IWS1: variants seen among roughly 807,000 people sequenced by gnomAD.
IWS1 encodes the protein protein IWS1 homolog.
A neutral mutation model predicts 86.7 loss-of-function variants in IWS1; 27 were observed. The ratio of observed to expected loss-of-function variants is 0.31; its 90% CI spans 0.23 to 0.43. The LOEUF is 0.43. Ranked by LOEUF, IWS1 falls within the 20% of genes least tolerant of loss-of-function variation. IWS1 has a pLI of 1.00. For missense variants in IWS1, 827 were observed against 1,000.8 expected (o/e 0.83, Z 2.34); for synonymous variants, 313 against 335.1 (o/e 0.93, Z 0.72).
upstream of IWS1, chr2:127,526,660 A>G: frequency 7.6e-7 from 1 of 1,320,902 alleles, no homozygotes; most frequent in Non-Finnish European, 1.0e-6. Context: ...TCCTGGTCTG[A>G]CCCCCGTGGT....
chr2:127,513,049 T>G (rs540098938), intron 2 of IWS1, among the ~76,000 whole-genome samples: 9 of 152,330 alleles, frequency 5.9e-5, no homozygotes, highest in Non-Finnish European at 1.3e-4. Flanking sequence ...AAGACCAGCC[T>G]GGCCAATAGG....
chr2:127,482,821 C>T (rs1689702840), intron 13 of IWS1: 2 of 152,162 alleles, frequency 1.3e-5, no homozygotes, highest in South Asian at 4.1e-4. Context: ...TCTCCTGATT[C>T]ATCAAGGGAA....
Position 127,489,137 on chromosome 2 carries a change from C to G in IWS1, c.2216+42G>C. 2.8e-6 allele frequency: 4 copies of G among 1,410,086 alleles called. No homozygotes were observed. Among genetic ancestry groups the G allele is most frequent in the Non-Finnish European group, 4.0e-6 (4 of 1,009,936 alleles). The allele number at this position is 1,410,086 out of a possible 1,614,324, so 87.3% of individuals were successfully genotyped here. ...TTTCTTAAAGCAGCAAACGGAAATT[C>G]TCTATATAGTCTAGGAAGAAAAATT... On this transcript the variant is annotated intron_variant, in intron 12 of 13. Transcript: ENST00000295321. The surrounding 1 kb of genome is among the most constrained non-coding windows in gnomAD (Gnocchi z 4.8).
intron 2 of IWS1, among the ~76,000 whole-genome samples, chr2:127,513,481 C>A (rs1691583784): frequency 6.6e-6 from 1 of 151,690 alleles, no homozygotes; most frequent in Admixed American, 6.6e-5. Context: ...TGTATGCTTC[C>A]AACTAATCTA....
chr2:127,524,601 T>G (rs1692286608), intron 1 of IWS1, among the ~76,000 whole-genome samples: 1 of 151,706 alleles, frequency 6.6e-6, no homozygotes, highest in Non-Finnish European at 1.5e-5. Flanking sequence ...TGCAATGGTG[T>G]GATCTCAGCT....
At chr2:127,518,170 C>T (rs985610953) in intron 2 of IWS1, among the ~76,000 whole-genome samples, 1 of 152,168 alleles carries the variant, frequency 6.6e-6, no homozygotes, top group Non-Finnish European at 1.5e-5. Flanking sequence ...CTGTGAAATA[C>T]TAAAGATCAC....
rs1215493550 is a variant in IWS1 at position 127,493,310 on chromosome 2, G to T, written c.1900C>A (p.Arg634=). ...TGCAGGATCTTCAGCAGCTCCTCCC[G>T]GATCTTGAGTGCAGGCAAACTCCTA... ...PDRSLPALKI[R]EELLKILQEL... is the part of the protein sequence containing the mutation. Residue 634 remains arginine (R), a synonymous_variant, in exon 9 of 14, where the codon CGG becomes AGG. Coordinates refer to ENST00000295321, the MANE Select transcript of IWS1 (RefSeq NM_017969.3). 1.9e-6 allele frequency: 3 copies of T among 1,613,032 alleles called. No homozygotes were observed. The Admixed American group carries it at 5.0e-5, about 27-fold the overall frequency.
chr2:127,494,748 C>T (rs984344702), intron 8 of IWS1, 124 bp downstream of exon 8: 2 of 469,206 alleles, frequency 4.3e-6, no homozygotes, highest in Non-Finnish European at 7.4e-6. Context: ...AAATTTTATT[C>T]ATTATCTTTC....
chr2:127,520,786 C>T (rs1373901366), intron 2 of IWS1, among the ~76,000 whole-genome samples: 1 of 152,208 alleles, frequency 6.6e-6, no homozygotes. Flanking sequence ...GTACAAAAAT[C>T]TTCAGGGCAG....
intron 5 of IWS1, among the ~76,000 whole-genome samples, chr2:127,500,591 T>G (rs1690750469): frequency 6.6e-6 from 1 of 152,202 alleles, no homozygotes. Flanking sequence ...TCATACACCT[T>G]TATTTTCAGC....
At chr2:127,512,342 C>G (rs1342721800) in intron 2 of IWS1, among the ~76,000 whole-genome samples, 1 of 152,204 alleles carries the variant, frequency 6.6e-6, no homozygotes, top group Non-Finnish European at 1.5e-5. Context: ...ATTTGACGGC[C>G]ACCCCTCACT....
chr2:127,526,812 G>A, upstream of IWS1: 1 of 724,318 alleles, frequency 1.4e-6, no homozygotes. Flanking sequence ...TGTCTTTCCC[G>A]TCAGGCCCAG....
chr2:127,498,086 C>A, intron 6 of IWS1, 54 bp downstream of exon 6: 2 of 1,374,648 alleles, frequency 1.5e-6, no homozygotes, highest in Admixed American at 1.8e-5. Flanking sequence ...GTTTAATAGT[C>A]TCTACCTTGA....
At chr2:127,514,273 A>T (rs1573557181) in intron 2 of IWS1, 4 of 150,670 alleles carry the variant, frequency 2.7e-5, no homozygotes, top group Middle Eastern at 5.1e-4. Context: ...TACCCTGCTC[A>T]CTCTCGGTTG....
At chr2:127,494,709 T>C (rs1690423247) in intron 8 of IWS1, 163 bp downstream of exon 8, 1 of 426,370 alleles carries the variant, frequency 2.3e-6, no homozygotes, top group Admixed American at 4.4e-5. Flanking sequence ...CAAGGCTTAA[T>C]AAAAATTTAT....
rs897149664 is a variant in IWS1, at chr2:127,496,083, C to G, written c.1631G>C (p.Arg544Thr). The change falls in exon 7 of 14, where the codon AGA (arginine) becomes ACA (threonine). Residue 544 changes from arginine to threonine, a missense_variant. This residue lies in a region of IWS1 where 279 missense variants were observed against 440.6 expected (regional missense o/e 0.63). Transcript: ENST00000295321. ...QRKKSMSGKRRRNRDGGTFIS... is the reference protein window; with the variant it reads ...QRKKSMSGKRTRNRDGGTFIS... ...AAAGGTGCCACCATCGCGGTTCCGTCTGCGCTTGCCACTCATGCTCTTTTT... is the reference window on the plus strand; with the variant it reads ...AAAGGTGCCACCATCGCGGTTCCGTGTGCGCTTGCCACTCATGCTCTTTTT... 1.2e-6 allele frequency: 2 copies of G among 1,613,980 alleles called. No individual in the cohort carries two copies. Among genetic ancestry groups the G allele is most frequent in the African/African-American group, 2.7e-5 (2 of 74,910 alleles).
At chr2:127,513,411 C>A (rs1163759723) in intron 2 of IWS1, among the ~76,000 whole-genome samples, 1 of 152,154 alleles carries the variant, frequency 6.6e-6, no homozygotes, top group Non-Finnish European at 1.5e-5. Context: ...CTATAGGCTT[C>A]TGGATTGAGA....
intron 2 of IWS1, among the ~76,000 whole-genome samples, chr2:127,522,933 G>A (rs1026948970): frequency 1.3e-5 from 2 of 152,208 alleles, no homozygotes; most frequent in Non-Finnish European, 2.9e-5. Flanking sequence ...TTGCAGGCCA[G>A]GTGTGGTGGC....
At chr2:127,521,235 G>A (rs750621065) in intron 2 of IWS1, among the ~76,000 whole-genome samples, 31 of 152,184 alleles carry the variant, frequency 2.0e-4, no homozygotes, top group Admixed American at 3.9e-4. Flanking sequence ...CTGGGACAGA[G>A]TGAGACTCTG....
Sources: gnomAD v4.1 joint callset for allele counts (sites outside exome capture counted in the v4.1 genomes callset) on GRCh38, gnomAD v4.1.1 for gene constraint, gnomAD v4.1.1 regional missense constraint, Gnocchi (gnomAD v3.1) non-coding constraint, MANE v1.5 for transcripts, NCBI Gene and HGNC (gene_info 2026-07-23, HGNC 2026-07-21) for gene names.